Variants in DNM1 observed in about 807,000 individuals in gnomAD.
The protein encoded by DNM1 is dynamin 1.
In DNM1, 29 loss-of-function variants were observed where a neutral mutation model predicts 104.6. That is an observed-to-expected ratio of 0.28 (90% confidence interval 0.21 to 0.38). The LOEUF (loss-of-function observed/expected upper bound fraction) is 0.38. Among genes scored for constraint, DNM1 ranks in the 10% least tolerant of loss-of-function variants. The pLI, the probability that DNM1 is intolerant of heterozygous loss-of-function variation, is 1.00. For missense variants in DNM1, 640 were observed against 1,189.4 expected (o/e 0.54, Z 6.79); for synonymous variants, 445 against 475.8 (o/e 0.94, Z 0.84).
intron 19 of DNM1, 151 bp from the exon 20 acceptor site, chr9:128,249,964 C>T (rs1476369746): frequency 3.5e-6 from 4 of 1,128,800 alleles, no homozygotes; most frequent in South Asian, 3.0e-5. Flanking sequence ...GTGAGAAAAG[C>T]GCGGTGGGGA....
rs1834960068 is a variant in DNM1, at chr9:128,220,932, T to TCTTTCTTTCTTTCTTTCTTTCTTC, written c.849+595_849+596insCTTTCTTTCTTTCTTTCTTCCTTT. Among the ~76,000 whole-genome samples, 1 of 148,378 alleles carries TCTTTCTTTCTTTCTTTCTTTCTTC rather than the reference T, an allele frequency of 6.7e-6. No individual in the cohort carries two copies. Among genetic ancestry groups the TCTTTCTTTCTTTCTTTCTTTCTTC allele is most frequent in the Non-Finnish European group, 1.5e-5 (1 of 66,870 alleles). ...TTCTTTCTTTCTTTCTTTCTTTCTT[T>TCTTTCTTTCTTTCTTTCTTTCTTC]CTTTTCTTTTCTTTCTTTCTTTCCT... On this transcript the variant is annotated intron_variant, in intron 6 of 21. Transcript: ENST00000372923. The surrounding 1 kb of genome is among the most constrained non-coding windows in gnomAD (Gnocchi z 5.2).
chr9:128,242,113 T>G, intron 14 of DNM1, 119 bp from the exon 15 acceptor site: 2 of 688,122 alleles, frequency 2.9e-6, no homozygotes, highest in Non-Finnish European at 5.3e-6. Flanking sequence ...CCTCCCTGAC[T>G]GCCAGGCCTC....
rs1402719882 is a variant in DNM1, at chr9:128,247,135, T to G, written c.1782-240T>G. 2 of 427,320 alleles carry G rather than the reference T, an allele frequency of 4.7e-6. No individual in the cohort carries two copies. The highest frequency in any genetic ancestry group is 4.0e-5 in the African/African-American group (2 of 50,614). 26.5% of individuals were successfully genotyped at this position (427,320 alleles called of 1,614,324 possible). A position where few individuals can be genotyped will look rare whatever the true frequency, so the allele number is the denominator to read the frequency against. On this transcript the variant is annotated intron_variant, in intron 16 of 21. Transcript: ENST00000372923. This position sits in a 1 kb window ranked among gnomAD's most constrained non-coding sequence, Gnocchi z 5.1. ...TCCTCTTGTCAAAGGTCCAGTCCCC[T>G]TCTAAGCATTTTACCACTCACTTCA...
In DNM1 at chr9:128,222,471, C is replaced by A; in HGVS notation, c.1003C>A (p.Gln335Lys). 6.2e-7 allele frequency: 1 copy of A among 1,614,174 alleles called. No individual in the cohort carries two copies. Among genetic ancestry groups the A allele is most frequent in the East Asian group, 2.2e-5 (1 of 44,874 alleles). Residue 335 changes from glutamine to lysine, a missense_variant, in exon 8 of 22, where the codon CAG becomes AAG. Around this residue, in one of 7 missense-constraint regions of DNM1, gnomAD observed 38 missense variants for 113.5 expected, o/e 0.33. Transcript: ENST00000372923. This position sits in a 1 kb window ranked among gnomAD's most constrained non-coding sequence, Gnocchi z 7.8. Reference sequence around the variant, plus strand: ...CCACTCTCCCACCAGGATGGTCCAGCAGTTCGCCGTAGACTTTGAGAAGCG... The same window carrying A: ...CCACTCTCCCACCAGGATGGTCCAGAAGTTCGCCGTAGACTTTGAGAAGCG... ...KTKALLQMVQ[Q>K]FAVDFEKRIE...
Position 128,224,486 on chromosome 9 carries a change from G to A in DNM1, c.1335+97G>A. ...CATGTCCCCCCCTGCCTCCTCGGTA[G>A]CATGTACAGACCTCAGCGGGGTGGG... On this transcript the variant is annotated intron_variant, in intron 10 of 21. Transcript: ENST00000372923. The surrounding 1 kb of genome is among the most constrained non-coding windows in gnomAD (Gnocchi z 4.3). The A allele has an allele frequency of 7.8e-7, 1 of 1,281,738 alleles. No homozygotes were observed. Among genetic ancestry groups the A allele is most frequent in the African/African-American group, 1.5e-5 (1 of 68,294 alleles). The allele number at this position is 1,281,738 out of a possible 1,614,324, so 79.4% of individuals were successfully genotyped here. A position where few individuals can be genotyped will look rare whatever the true frequency, so the allele number is the denominator to read the frequency against.
rs1484104040 is a variant in DNM1 at position 128,243,188 on chromosome 9, GC to G, written c.1671+847del. On this transcript the variant is annotated intron_variant, in intron 15 of 21. Coordinates refer to ENST00000372923, the MANE Select transcript of DNM1 (RefSeq NM_004408.4). The surrounding 1 kb of genome is among the most constrained non-coding windows in gnomAD (Gnocchi z 4.0). ...TCCCCGCCCACTAGGGTGCACAGAA[GC>G]CCCTGCCACCTCCTTCCCCTGTTGC... 2.0e-5 allele frequency among the ~76,000 whole-genome samples: 3 copies of G among 152,154 alleles called. No individual in the cohort carries two copies. Among genetic ancestry groups the G allele is most frequent in the Non-Finnish European group, 2.9e-5 (2 of 67,992 alleles).
At position 128,245,855 on chromosome 9, in the gene DNM1, GT is replaced by G. The variant is rs1335388999; in HGVS notation, c.1672-538del. ...ATAGGATATGTACTTGGGCTTGCAT[GT>G]GTTGGCACAAACACACAACTACACA... is the stretch of plus-strand genomic sequence containing the variant. On this transcript the variant is annotated intron_variant, in intron 15 of 21. Coordinates refer to ENST00000372923, the MANE Select transcript of DNM1 (RefSeq NM_004408.4). This position sits in a 1 kb window ranked among gnomAD's most constrained non-coding sequence, Gnocchi z 5.2. Among the ~76,000 whole-genome samples the G allele has an allele frequency of 6.6e-6, 1 of 152,238 alleles. No homozygotes were observed. The highest frequency in any genetic ancestry group is 1.5e-5 in the Non-Finnish European group (1 of 68,034).
At chr9:128,219,928 C>A in intron 4 of DNM1, 60 bp from the exon 5 acceptor site, 4 of 1,359,338 alleles carry the variant, frequency 2.9e-6, no homozygotes, top group Admixed American at 2.1e-5. Context: ...AGTGGGAGTG[C>A]ATGGAATTGT....
At chr9:128,239,333 A>T in intron 11 of DNM1, 112 bp from the exon 12 acceptor site, 1 of 773,684 alleles carries the variant, frequency 1.3e-6, no homozygotes, top group Non-Finnish European at 2.2e-6. Context: ...TATATTTATT[A>T]TGGATACTAA....
chr9:128,210,685 C>T (rs986000599), intron 1 of DNM1, among the ~76,000 whole-genome samples: 14 of 152,160 alleles, frequency 9.2e-5, no homozygotes, highest in Non-Finnish European at 1.6e-4. Flanking sequence ...ACACAGAGAG[C>T]GTAGGGAACC....
rs1829764033 is a variant in DNM1 at position 128,255,021 on chromosome 9, G to T, written c.*307G>T. 8.0e-6 allele frequency: 2 copies of T among 248,938 alleles called. No homozygotes were observed. Among genetic ancestry groups the T allele is most frequent in the African/African-American group, 2.3e-5 (1 of 43,380 alleles). 15.4% of individuals were successfully genotyped at this position (248,938 alleles called of 1,614,324 possible). A position where few individuals can be genotyped will look rare whatever the true frequency, so the allele number is the denominator to read the frequency against. Reference sequence around the variant, plus strand: ...TGTGCTATCCTTGTGGAGTCTTGTGGCCCAACTACCAGAGAACGCTGTCCC... The same window carrying T: ...TGTGCTATCCTTGTGGAGTCTTGTGTCCCAACTACCAGAGAACGCTGTCCC... On this transcript the variant is annotated 3_prime_UTR_variant, in exon 22 of 22. Coordinates refer to ENST00000372923, the MANE Select transcript of DNM1 (RefSeq NM_004408.4).
chr9:128,208,126 C>G (rs1415823980), intron 1 of DNM1, among the ~76,000 whole-genome samples: 1 of 151,746 alleles, frequency 6.6e-6, no homozygotes, highest in East Asian at 1.9e-4. Flanking sequence ...ATGGCGCGAT[C>G]TCAGCTCACT....
intron 1 of DNM1, among the ~76,000 whole-genome samples, chr9:128,210,505 G>A (rs1436941888): frequency 1.3e-5 from 2 of 152,026 alleles, no homozygotes; most frequent in Non-Finnish European, 2.9e-5. Context: ...GAGACTAACA[G>A]GCACCCGCCA....
chr9:128,204,370 A>G (rs1833756771), intron 1 of DNM1: 1 of 152,382 alleles, frequency 6.6e-6, no homozygotes, highest in Non-Finnish European at 1.5e-5. Flanking sequence ...TGGCCTGGCC[A>G]GAGGAATCGT....
chr9:128,207,527 G>C (rs975277727), intron 1 of DNM1, among the ~76,000 whole-genome samples: 2 of 149,740 alleles, frequency 1.3e-5, no homozygotes, highest in Non-Finnish European at 3.0e-5. Flanking sequence ...CTAGGGCCAA[G>C]AGTGGGTTGT....
chr9:128,254,557 C>CG lies in DNM1; in HGVS notation c.2535-95dup. 1 of 1,578,860 alleles carries CG rather than the reference C, an allele frequency of 6.3e-7. No individual in the cohort carries two copies. Among genetic ancestry groups the CG allele is most frequent in the Non-Finnish European group, 8.5e-7 (1 of 1,170,738 alleles). ...CTCCCCGGCCCTCCCACCACTGCTG[C>CG]GGCGCGGCCGGCCCCGGCCGTGTGC... On this transcript the variant is annotated intron_variant, in intron 21 of 21. Coordinates refer to ENST00000372923, the MANE Select transcript of DNM1 (RefSeq NM_004408.4). This position sits in a 1 kb window ranked among gnomAD's most constrained non-coding sequence, Gnocchi z 6.1.
Position 128,254,733 on chromosome 9 carries a change from C to G in DNM1, c.*19C>G. 1 of 1,593,946 alleles carries G rather than the reference C, an allele frequency of 6.3e-7. No individual in the cohort carries two copies. Among genetic ancestry groups the G allele is most frequent in the Non-Finnish European group, 8.5e-7 (1 of 1,177,678 alleles). Reference sequence around the variant, plus strand: ...CCTCTAAACAGATCCCTCCTCTTCTCGGAGACCTCCCTTTCCAAGCCTGCC... The same window carrying G: ...CCTCTAAACAGATCCCTCCTCTTCTGGGAGACCTCCCTTTCCAAGCCTGCC... On this transcript the variant is annotated 3_prime_UTR_variant, in exon 22 of 22. Transcript: ENST00000372923. This position sits in a 1 kb window ranked among gnomAD's most constrained non-coding sequence, Gnocchi z 6.1.
chr9:128,222,216 G>A lies in DNM1; in HGVS notation c.869G>A (p.Arg290Gln), dbSNP rs1835067912. Residue 290 changes from arginine to glutamine, a missense_variant, in exon 7 of 22, where the codon CGG (arginine) becomes CAG (glutamine). Arg to Gln is a conservative substitution (Grantham distance 43). This residue lies in a region of DNM1 where 81 missense variants were observed against 99.8 expected (regional missense o/e 0.81). Transcript: ENST00000372923. This position sits in a 1 kb window ranked among gnomAD's most constrained non-coding sequence, Gnocchi z 7.8. ...VLNQQLTNHI[R>Q]DTLPGLRNKL... ...CCCCAGCAACTGACGAACCACATCCGGGACACACTGCCGGGGCTGCGGAAC... is the reference window on the plus strand; with the variant it reads ...CCCCAGCAACTGACGAACCACATCCAGGACACACTGCCGGGGCTGCGGAAC... 1 of 1,613,840 alleles carries A rather than the reference G, an allele frequency of 6.2e-7. No homozygotes were observed. Among genetic ancestry groups the A allele is most frequent in the South Asian group, 1.1e-5 (1 of 91,058 alleles).
At chr9:128,227,788 T>G (rs1294564597) in intron 10 of DNM1, among the ~76,000 whole-genome samples, 2 of 152,230 alleles carry the variant, frequency 1.3e-5, no homozygotes, top group African/African-American at 4.8e-5. Flanking sequence ...TTTTTTTTTT[T>G]GCCTTCACAA....
Sources: allele counts gnomAD v4.1 joint callset (sites outside exome capture counted in the v4.1 genomes callset), GRCh38; gene constraint gnomAD v4.1.1; regional missense constraint gnomAD v4.1.1; non-coding constraint Gnocchi (gnomAD v3.1); transcripts MANE v1.5; gene names NCBI Gene and HGNC (gene_info 2026-07-23, HGNC 2026-07-21).